GPR63: variants seen among roughly 807,000 people sequenced by gnomAD.
GPR63 encodes probable G protein-coupled receptor 63.
GPR63 carries 12 observed loss-of-function variants against 23.1 expected under a neutral mutation model. That is an observed-to-expected ratio of 0.52 (90% CI 0.33 to 0.84). The LOEUF is 0.84. Ranked by LOEUF, GPR63 falls within the 40% of genes least tolerant of loss-of-function variation. The pLI is 0.02. For synonymous variants in GPR63, 172 were observed against 191.1 expected (o/e 0.90, Z 0.82); for missense variants, 472 against 515.6 (o/e 0.92, Z 0.82).
At position 96,798,803 on chromosome 6, in the gene GPR63, G is replaced by C. The variant is rs1773667937; in HGVS notation, c.929C>G (p.Thr310Arg). ...FQMSIDMGFK[T>R]RAFTTILILF... Reference sequence around the variant, plus strand: ...AATCAAAATAGTGGTGAAGGCACGTGTTTTAAAGCCCATGTCAATGCTCAT... The same window carrying C: ...AATCAAAATAGTGGTGAAGGCACGTCTTTTAAAGCCCATGTCAATGCTCAT... Residue 310 changes from threonine (T) to arginine (R), a missense_variant, in exon 2 of 2, where the codon ACA (threonine) becomes AGA (arginine). Transcript: ENST00000229955. 1 of 1,614,062 alleles carries C rather than the reference G, an allele frequency of 6.2e-7. No homozygotes were observed. The highest frequency in any genetic ancestry group is 1.3e-5 in the African/African-American group (1 of 74,916).
chr6:96,796,367 T>C lies in GPR63; in HGVS notation c.*2105A>G, dbSNP rs1412728889. 6.6e-6 allele frequency: 1 copy of C among 152,150 alleles called. No homozygotes were observed. The highest frequency in any genetic ancestry group is 2.4e-5 in the African/African-American group (1 of 41,408). 9.4% of individuals were successfully genotyped at this position (152,150 alleles called of 1,614,324 possible). On this transcript the variant is annotated 3_prime_UTR_variant, in exon 2 of 2. Transcript: ENST00000229955. ...TACAAATGAAGAAATAGAAGCTTAT[T>C]TTTTCCACTGGCTCACAAAACACTA...
Position 96,796,165 on chromosome 6 carries a change from A to G in GPR63, c.*2307T>C, listed in dbSNP as rs1420893035. The stretch of plus-strand genomic sequence containing the variant: ...TGATACAGTGCCACACTCTTCAGAC[A>G]TTTAATATTAAGAAATAGCTAATGA... On this transcript the variant is annotated 3_prime_UTR_variant, in exon 2 of 2. Coordinates refer to ENST00000229955, the MANE Select transcript of GPR63 (RefSeq NM_030784.4). 6 of 152,210 alleles carry G rather than the reference A, an allele frequency of 3.9e-5. No homozygotes were observed. Among genetic ancestry groups the G allele is most frequent in the Non-Finnish European group, 8.8e-5 (6 of 68,042 alleles). 9.4% of individuals were successfully genotyped at this position (152,210 alleles called of 1,614,324 possible). A position where few individuals can be genotyped will look rare whatever the true frequency, so the allele number is the denominator to read the frequency against.
At chr6:96,810,590 A>C (rs866703180) in intron 1 of GPR63, among the ~76,000 whole-genome samples, 1 of 152,182 alleles carries the variant, frequency 6.6e-6, no homozygotes, top group Middle Eastern at 3.2e-3. Context: ...GTCAATCTAG[A>C]ATAGTGACAG....
chr6:96,827,238 T>A (rs1469872141), intron 1 of GPR63, among the ~76,000 whole-genome samples: 1 of 152,046 alleles, frequency 6.6e-6, no homozygotes, highest in African/African-American at 2.4e-5. Flanking sequence ...TAAAGTTCCA[T>A]ATATGAAAAA....
rs1774744080 is a variant in GPR63 at position 96,836,865 on chromosome 6, G to T, written c.-151+403C>A. 6.6e-5 allele frequency among the ~76,000 whole-genome samples: 10 copies of T among 152,206 alleles called. No homozygotes were observed. In the South Asian group the frequency reaches 2.1e-3, roughly 32 times the overall value. ...ACCACCGTGTAAAAGTTCAAGTGGA[G>T]CTCATCTCCTTCCTCTCACTCCCAG... is the stretch of plus-strand genomic sequence containing the variant. On this transcript the variant is annotated intron_variant, in intron 1 of 1. Transcript: ENST00000229955.
rs989858721 is a variant in GPR63, at chr6:96,799,534, C to T, written c.198G>A (p.Val66=). 6 of 1,614,076 alleles carry T rather than the reference C, an allele frequency of 3.7e-6. No homozygotes were observed. Among genetic ancestry groups the T allele is most frequent in the Non-Finnish European group, 5.1e-6 (6 of 1,180,008 alleles). ...TCTTAAATGCTGCTGGTGTTGTGGG[C>T]ACAGCTGTACTATTCACGGTCAAGG... The part of the protein sequence containing the change: ...LSSLTVNSTA[V]PTTPAAFKSL... The change falls in exon 2 of 2, where the codon GTG becomes GTA. Residue 66 remains valine (V), a synonymous_variant. Coordinates refer to ENST00000229955, the MANE Select transcript of GPR63 (RefSeq NM_030784.4).
intron 1 of GPR63, among the ~76,000 whole-genome samples, chr6:96,804,247 A>C (rs1046058537): frequency 1.3e-5 from 2 of 151,828 alleles, no homozygotes; most frequent in South Asian, 4.2e-4. Flanking sequence ...GCTTTATTTT[A>C]TTTTTTTGAG....
chr6:96,829,304 T>C (rs918747689), intron 1 of GPR63, among the ~76,000 whole-genome samples: 2 of 152,144 alleles, frequency 1.3e-5, no homozygotes, highest in Admixed American at 6.5e-5. Context: ...TCTGACCATA[T>C]CACAAATAGT....
Position 96,799,517 on chromosome 6 carries a change from G to A in GPR63, c.215C>T (p.Ala72Val), listed in dbSNP as rs768525653. Residue 72 changes from alanine to valine, a missense_variant, in exon 2 of 2, where the codon GCA (alanine) becomes GTA (valine). Ala to Val is a moderately conservative substitution (Grantham distance 64). Coordinates refer to ENST00000229955, the MANE Select transcript of GPR63 (RefSeq NM_030784.4). ...NSTAVPTTPA[A>V]FKSLNLPLQI... ...AAGAGGCAAGTTTAGGCTCTTAAAT[G>A]CTGCTGGTGTTGTGGGCACAGCTGT... The A allele has an allele frequency of 2.5e-6, 4 of 1,614,044 alleles. No individual in the cohort carries two copies. In the Admixed American group the frequency reaches 5.0e-5, roughly 20 times the overall value.
intron 1 of GPR63, among the ~76,000 whole-genome samples, chr6:96,835,263 G>C (rs141638203): frequency 1.8e-4 from 28 of 152,156 alleles, no homozygotes; most frequent in Admixed American, 1.1e-3. Context: ...TAGACCTACT[G>C]TTCCTGGTGC....
chr6:96,800,080 G>A (rs1773723458), intron 1 of GPR63, among the ~76,000 whole-genome samples, 199 bp from the exon 2 acceptor site: 1 of 152,160 alleles, frequency 6.6e-6, no homozygotes, highest in Admixed American at 6.5e-5. Context: ...GAAATTTCAT[G>A]ACATTCATAT....
chr6:96,831,934 A>C (rs749354670), intron 1 of GPR63, among the ~76,000 whole-genome samples: 1 of 151,828 alleles, frequency 6.6e-6, no homozygotes, highest in Non-Finnish European at 1.5e-5. Context: ...AAATAAATAA[A>C]AATTTTTTAA....
At chr6:96,834,614 T>C (rs561238028) in intron 1 of GPR63, among the ~76,000 whole-genome samples, 59 of 151,172 alleles carry the variant, frequency 3.9e-4, no homozygotes, top group African/African-American at 1.4e-3. Context: ...TAAAGGTGAT[T>C]TGCAGCAAAT....
chr6:96,826,477 G>T (rs914642437), intron 1 of GPR63, among the ~76,000 whole-genome samples: 1 of 152,070 alleles, frequency 6.6e-6, no homozygotes, highest in African/African-American at 2.4e-5. Flanking sequence ...AAAGAGAAAG[G>T]TATTTTGCTA....
chr6:96,808,575 A>C (rs1773959074), intron 1 of GPR63, among the ~76,000 whole-genome samples: 1 of 152,184 alleles, frequency 6.6e-6, no homozygotes, highest in Non-Finnish European at 1.5e-5. Flanking sequence ...TCAGTGCCCA[A>C]AAGGATTTTC....
At position 96,797,768 on chromosome 6, in the gene GPR63, A is replaced by G. The variant is rs1773629300; in HGVS notation, c.*704T>C. The G allele has an allele frequency of 2.0e-5, 3 of 152,250 alleles. No homozygotes were observed. The highest frequency in any genetic ancestry group is 4.4e-5 in the Non-Finnish European group (3 of 68,052). 9.4% of individuals were successfully genotyped at this position (152,250 alleles called of 1,614,324 possible). On this transcript the variant is annotated 3_prime_UTR_variant, in exon 2 of 2. Transcript: ENST00000229955. The stretch of plus-strand genomic sequence containing the variant: ...CTAGATTTTGCGCTATTGCTTGAAG[A>G]GTTGCTATTGTGCTTAGAAAAGTAT...
rs1230359820 is a variant in GPR63 at position 96,798,657 on chromosome 6, G to C, written c.1075C>G (p.Leu359Val). 1 of 1,614,214 alleles carries C rather than the reference G, an allele frequency of 6.2e-7. No individual in the cohort carries two copies. Among genetic ancestry groups the C allele is most frequent in the African/African-American group, 1.3e-5 (1 of 75,060 alleles). Residue 359 changes from leucine (L) to valine (V), a missense_variant, in exon 2 of 2, where the codon CTC becomes GTC. Leu to Val is a conservative substitution (Grantham distance 32). Coordinates refer to ENST00000229955, the MANE Select transcript of GPR63 (RefSeq NM_030784.4). Reference protein sequence around the residue: ...FFEISTWLLWLCYLKSALNPL... With the variant: ...FFEISTWLLWVCYLKSALNPL... ...TTCAATGCAGACTTGAGGTAGCAGA[G>C]CCACAGTAGCCAGGTGCTAATCTCA...
chr6:96,833,500 T>C (rs1029159093), intron 1 of GPR63, among the ~76,000 whole-genome samples: 2 of 152,222 alleles, frequency 1.3e-5, no homozygotes, highest in Non-Finnish European at 2.9e-5. Context: ...AGATGCCTCA[T>C]TTTAGGAGAA....
chr6:96,802,540 AT>A (rs34928062), intron 1 of GPR63, among the ~76,000 whole-genome samples: 1,674 of 136,370 alleles, frequency 0.012, 13 homozygotes, highest in East Asian at 0.034. Context: ...ATTTTTTCTA[AT>A]TTTTTTTTTT....
Sources: gnomAD v4.1 joint callset for allele counts (sites outside exome capture counted in the v4.1 genomes callset) on GRCh38, gnomAD v4.1.1 for gene constraint, MANE v1.5 for transcripts, NCBI Gene and HGNC (gene_info 2026-07-23, HGNC 2026-07-21) for gene names.